The following KRT26 variants were observed in gnomAD, a reference collection of about 807,000 sequenced individuals.
KRT26 encodes the protein keratin 26.
KRT26 carries 45 observed loss-of-function variants against 46.1 expected under a neutral mutation model. The ratio of observed to expected loss-of-function variants is 0.98; its 90% CI spans 0.77 to 1.25. The LOEUF (loss-of-function observed/expected upper bound fraction) is 1.25. KRT26 is among the 50% of genes most tolerant of loss of function. The pLI is 0.00. For missense variants in KRT26, 582 were observed against 560.1 expected (o/e 1.04, Z -0.39); for synonymous variants, 191 against 209.9 (o/e 0.91, Z 0.78).
In KRT26 at chr17:40,771,893, T is replaced by C. The variant is rs774131784; in HGVS notation, c.221A>G (p.Asn74Ser). ...ATTCCCAGAGAGGAGGCTGTGCTCA[T>C]TGCCAAGAAAACCAGCACAGGCACC... The change falls in exon 1 of 8, where the codon AAT becomes AGT. Residue 74 changes from asparagine (N) to serine (S), a missense_variant. Coordinates refer to ENST00000335552, the Ensembl canonical transcript of KRT26. 5.0e-6 allele frequency: 8 copies of C among 1,614,054 alleles called. No individual in the cohort carries two copies. Among genetic ancestry groups the C allele is most frequent in the African/African-American group, 4.0e-5 (3 of 74,904 alleles).
Position 40,770,015 on chromosome 17 carries a change from A to C in KRT26, c.789T>G (p.Tyr263Ter). The stretch of plus-strand genomic sequence containing the variant: ...TGCGGTTCTGCTCAGCCAAGTCCTC[A>C]TACTCAGCCCTCATGTTGTTCAACA... Residue 263 changes from tyrosine (Y) to a stop codon, truncating the protein, a stop_gained, in exon 4 of 8, where the codon TAT becomes TAG. Transcript: ENST00000335552. LOFTEE classifies it high-confidence loss of function. 1 of 1,614,156 alleles carries C rather than the reference A, an allele frequency of 6.2e-7. No individual in the cohort carries two copies. The highest frequency in any genetic ancestry group is 2.2e-5 in the East Asian group (1 of 44,890).
chr17:40,770,477 A>G, intron 2 of KRT26, 68 bp from the exon 3 acceptor site: 1 of 1,255,732 alleles, frequency 8.0e-7, no homozygotes. Context: ...TTTTTAAGGT[A>G]TTTCATATGC....
chr17:40,768,870 A>G lies in KRT26; in HGVS notation c.1187+9T>C. 1 of 1,358,306 alleles carries G rather than the reference A, an allele frequency of 7.4e-7. No homozygotes were observed. The highest frequency in any genetic ancestry group is 2.3e-5 in the Admixed American group (1 of 44,030). 84.1% of individuals were successfully genotyped at this position (1,358,306 alleles called of 1,614,324 possible). A position where few individuals can be genotyped will look rare whatever the true frequency, so the allele number is the denominator to read the frequency against. On this transcript the variant is annotated intron_variant, in intron 6 of 7. Coordinates refer to ENST00000335552, the Ensembl canonical transcript of KRT26. ...AGGTTTTTTTTTTTTTTTGCAAGTT[A>G]ATCTTTACCTTTCTTCTCCATCTAG...
chr17:40,768,873 CT>C lies in KRT26; in HGVS notation c.1187+5del. 8.9e-7 allele frequency: 1 copy of C among 1,125,334 alleles called. No individual in the cohort carries two copies. The allele number at this position is 1,125,334 out of a possible 1,614,324, so 69.7% of individuals were successfully genotyped here. On this transcript the variant is annotated splice_donor_5th_base_variant and intron_variant, in intron 6 of 7. Transcript: ENST00000335552. ...TTTTTTTTTTTTTTTGCAAGTTAAT[CT>C]TTACCTTTCTTCTCCATCTAGTAAG...
intron 5 of KRT26, 68 bp downstream of exon 5, chr17:40,769,686 A>G: frequency 6.6e-7 from 1 of 1,516,450 alleles, no homozygotes; most frequent in South Asian, 1.1e-5. Flanking sequence ...TGTTATATGT[A>G]TTTTTATATC....
chr17:40,766,633 A>G lies in KRT26; in HGVS notation c.1289T>C (p.Val430Ala), dbSNP rs543150309. The G allele has an allele frequency of 2.5e-6, 4 of 1,612,988 alleles. No individual in the cohort carries two copies. The African/African-American group carries it at 4.0e-5, about 16-fold the overall frequency. ...ATTGCCAATTTGATCCAGTTCCTCAACCACTGTTTTAACAATAGTTTCTTC... is the reference window on the plus strand; with the variant it reads ...ATTGCCAATTTGATCCAGTTCCTCAGCCACTGTTTTAACAATAGTTTCTTC... The change falls in exon 8 of 8, where the codon GTT (valine) becomes GCT (alanine). Residue 430 changes from valine (V) to alanine (A), a missense_variant. Val to Ala is a moderately conservative substitution (Grantham distance 64). Coordinates refer to ENST00000335552, the Ensembl canonical transcript of KRT26.
chr17:40,767,063 GT>G (rs1197116244), intron 7 of KRT26, among the ~76,000 whole-genome samples: 1 of 152,158 alleles, frequency 6.6e-6, no homozygotes, highest in Non-Finnish European at 1.5e-5. Flanking sequence ...TTTTAAAAAT[GT>G]TTTTTGCAAG....
In KRT26 at chr17:40,769,990, T is replaced by A. The variant is rs770809069; in HGVS notation, c.814A>T (p.Lys272Ter). The A allele has an allele frequency of 1.1e-5, 18 of 1,614,214 alleles. No homozygotes were observed. The highest frequency in any genetic ancestry group is 1.5e-5 in the Non-Finnish European group (18 of 1,180,044). Residue 272 changes from lysine (K) to a stop codon, truncating the protein, a stop_gained, in exon 4 of 8, where the codon AAA (lysine) becomes TAA (stop). Coordinates refer to ENST00000335552, the Ensembl canonical transcript of KRT26. LOFTEE classifies it high-confidence loss of function. ...TCGTTGAACCAGGCTTCAGCATCTTTGCGGTTCTGCTCAGCCAAGTCCTCA... is the reference window on the plus strand; with the variant it reads ...TCGTTGAACCAGGCTTCAGCATCTTAGCGGTTCTGCTCAGCCAAGTCCTCA...
chr17:40,769,683 T>C (rs747075722), intron 5 of KRT26, 71 bp downstream of exon 5: 24 of 1,477,310 alleles, frequency 1.6e-5, no homozygotes, highest in Non-Finnish European at 2.1e-5. Context: ...TGGTGTTATA[T>C]GTATTTTTAT....
At chr17:40,771,322 C>A in intron 1 of KRT26, 86 bp from the exon 2 acceptor site, 1 of 709,232 alleles carries the variant, frequency 1.4e-6, no homozygotes, top group South Asian at 1.9e-5. Flanking sequence ...TCTTCTTAAT[C>A]TGTCAAACAT....
Position 40,767,663 on chromosome 17 carries a change from G to C in KRT26, c.1188-10C>G. On this transcript the variant is annotated splice_polypyrimidine_tract_variant and intron_variant, in intron 6 of 7. Coordinates refer to ENST00000335552, the Ensembl canonical transcript of KRT26. ...TGTGGATTTGCTTTTTCTGTGAAGA[G>C]AAGAGTAAATTATTGCATTTTTTTT... The C allele has an allele frequency of 6.4e-7, 1 of 1,571,150 alleles. No individual in the cohort carries two copies. The highest frequency in any genetic ancestry group is 2.3e-5 in the East Asian group (1 of 44,354).
chr17:40,767,047 T>A (rs2038178115), intron 7 of KRT26, among the ~76,000 whole-genome samples: 1 of 152,344 alleles, frequency 6.6e-6, no homozygotes, highest in East Asian at 1.9e-4. Context: ...TTAAAAAATG[T>A]TTGCTTTTTA....
chr17:40,768,385 T>G (rs2038188041), intron 6 of KRT26, among the ~76,000 whole-genome samples: 1 of 152,260 alleles, frequency 6.6e-6, no homozygotes, highest in South Asian at 2.1e-4. Flanking sequence ...TTAAACAATG[T>G]GCTCATAATT....
chr17:40,767,223 C>T (rs1423827371), intron 7 of KRT26, among the ~76,000 whole-genome samples: 1 of 152,130 alleles, frequency 6.6e-6, no homozygotes, highest in Non-Finnish European at 1.5e-5. Context: ...AAGTATCAGG[C>T]AGTAAAGGCT....
chr17:40,770,488 T>A (rs957562318), intron 2 of KRT26, 79 bp from the exon 3 acceptor site: 1 of 1,153,648 alleles, frequency 8.7e-7, no homozygotes, highest in Non-Finnish European at 1.2e-6. Context: ...TTTCATATGC[T>A]GAAAGATATG....
chr17:40,768,832 C>A (rs1254216272), intron 6 of KRT26, 47 bp downstream of exon 6: 2 of 1,096,610 alleles, frequency 1.8e-6, no homozygotes, highest in Non-Finnish European at 2.6e-6. Context: ...TGTGGGAAAA[C>A]CTAGTTAATG....
rs2038218047 is a variant in KRT26, at chr17:40,771,142, GT to G, written c.524+11del. ...TTTTATTAATATAATTAATCAGTTT[GT>G]TTTCACCTACTTCAGCCTGAAGTCA... On this transcript the variant is annotated intron_variant, in intron 2 of 7. Coordinates refer to ENST00000335552, the Ensembl canonical transcript of KRT26. 1 of 1,504,770 alleles carries G rather than the reference GT, an allele frequency of 6.6e-7. No homozygotes were observed. The highest frequency in any genetic ancestry group is 9.1e-7 in the Non-Finnish European group (1 of 1,099,090). The allele number at this position is 1,504,770 out of a possible 1,614,324, so 93.2% of individuals were successfully genotyped here. A position where few individuals can be genotyped will look rare whatever the true frequency, so the allele number is the denominator to read the frequency against.
At chr17:40,770,867 C>G (rs1354148799) in intron 2 of KRT26, among the ~76,000 whole-genome samples, 2 of 151,908 alleles carry the variant, frequency 1.3e-5, no homozygotes, top group Admixed American at 1.3e-4. Context: ...TGTGTGTGTA[C>G]TTTTAGTAGA....
chr17:40,771,995 C>T, exon 1 of KRT26: 3 of 1,614,204 alleles, frequency 1.9e-6, no homozygotes, highest in Non-Finnish European at 2.5e-6. Context: ...AAAGCTGCTT[C>T]TTGCTCCCGA....
Sources: allele counts gnomAD v4.1 joint callset (sites outside exome capture counted in the v4.1 genomes callset), GRCh38; gene constraint gnomAD v4.1.1; transcripts MANE v1.5; gene names NCBI Gene and HGNC (gene_info 2026-07-23, HGNC 2026-07-21).